The following SLC44A1 variants were observed in gnomAD, a reference collection of about 807,000 sequenced individuals.
The protein encoded by SLC44A1 is choline transporter-like protein 1.
SLC44A1 carries 26 observed loss-of-function variants against 79.3 expected under a neutral mutation model. That is an observed-to-expected ratio of 0.33 (90% CI 0.24 to 0.46). The LOEUF (loss-of-function observed/expected upper bound fraction) is 0.46, where lower values mean the gene tolerates loss of function less well. SLC44A1 is among the 20% of genes least tolerant of loss of function. The probability of loss-of-function intolerance (pLI) is 1.00; values close to 1 mark genes in which losing one functional copy is unlikely to be tolerated. For missense variants in SLC44A1, 688 were observed against 798.1 expected (o/e 0.86, Z 1.66); for synonymous variants, 263 against 286.2 (o/e 0.92, Z 0.82).
intron 1 of SLC44A1, among the ~76,000 whole-genome samples, chr9:105,246,951 A>G (rs568447281): frequency 6.6e-6 from 1 of 152,322 alleles, no homozygotes; most frequent in South Asian, 2.1e-4. Context: ...GATGCATGTC[A>G]TGCACCCAAG....
At chr9:105,415,548 G>C (rs1037742059) in intron 15 of SLC44A1, among the ~76,000 whole-genome samples, 5 of 152,226 alleles carry the variant, frequency 3.3e-5, no homozygotes, top group Non-Finnish European at 5.9e-5. Flanking sequence ...TCGTCCTTGA[G>C]AGGGCAGCCA....
chr9:105,315,141 A>G (rs548396652), intron 3 of SLC44A1, among the ~76,000 whole-genome samples: 3 of 152,206 alleles, frequency 2.0e-5, no homozygotes, highest in African/African-American at 7.2e-5. Flanking sequence ...ACATTAAAAA[A>G]ACTTTGAAAG....
At chr9:105,324,163 G>A (rs531293447) in intron 3 of SLC44A1, among the ~76,000 whole-genome samples, 7 of 151,880 alleles carry the variant, frequency 4.6e-5, no homozygotes, top group African/African-American at 1.2e-4. Flanking sequence ...CACCACGCCC[G>A]GCTAATTTTT....
rs182494484 is a variant in SLC44A1, at chr9:105,391,601, C to T, written c.*2545C>T. On this transcript the variant is annotated 3_prime_UTR_variant, in exon 16 of 16. Coordinates refer to ENST00000374720, the MANE Select transcript of SLC44A1 (RefSeq NM_080546.5). ...TTATTCCTTGATTAATTTGATAAAG[C>T]CTCACAGAGGATTTTAAGCAATATT... is the stretch of plus-strand genomic sequence containing the variant. 4 of 985,116 alleles carry T rather than the reference C, an allele frequency of 4.1e-6. No homozygotes were observed. Among genetic ancestry groups the T allele is most frequent in the Non-Finnish European group, 4.8e-6 (4 of 829,772 alleles). 61.0% of individuals were successfully genotyped at this position (985,116 alleles called of 1,614,324 possible). A position where few individuals can be genotyped will look rare whatever the true frequency, so the allele number is the denominator to read the frequency against.
intron 4 of SLC44A1, among the ~76,000 whole-genome samples, chr9:105,340,757 A>G (rs1254478586): frequency 1.3e-5 from 2 of 152,230 alleles, no homozygotes; most frequent in Non-Finnish European, 2.9e-5. Context: ...ATCCATTCAC[A>G]TGAAATTTTA....
At chr9:105,375,889 T>G (rs553298799) in intron 13 of SLC44A1, among the ~76,000 whole-genome samples, 1 of 152,284 alleles carries the variant, frequency 6.6e-6, no homozygotes, top group South Asian at 2.1e-4. Flanking sequence ...TATTTCTATA[T>G]AATTCTTCCC....
chr9:105,293,889 T>C (rs1340743699), intron 1 of SLC44A1, among the ~76,000 whole-genome samples: 1 of 152,222 alleles, frequency 6.6e-6, no homozygotes, highest in Non-Finnish European at 1.5e-5. Flanking sequence ...ATGGTGAATG[T>C]GGAGTCTAAG....
At chr9:105,379,169 G>A (rs1366851997) in intron 13 of SLC44A1, among the ~76,000 whole-genome samples, 2 of 152,114 alleles carry the variant, frequency 1.3e-5, no homozygotes, top group Non-Finnish European at 2.9e-5. Flanking sequence ...CCAGCTACTC[G>A]GGAGGCTGAG....
chr9:105,298,617 T>C (rs1185335836), intron 1 of SLC44A1, among the ~76,000 whole-genome samples: 1 of 152,204 alleles, frequency 6.6e-6, no homozygotes, highest in East Asian at 1.9e-4. Flanking sequence ...CCCAAAGTGC[T>C]GGGATTACAG....
intron 3 of SLC44A1, among the ~76,000 whole-genome samples, chr9:105,318,837 G>A (rs909837800): frequency 1.3e-5 from 2 of 151,916 alleles, no homozygotes; most frequent in Non-Finnish European, 2.9e-5. Context: ...GCAGCTAGGC[G>A]GCAAGGAAGG....
intron 4 of SLC44A1, among the ~76,000 whole-genome samples, chr9:105,347,224 T>A (rs574596199): frequency 7.9e-5 from 12 of 152,070 alleles, no homozygotes; most frequent in Non-Finnish European, 1.8e-4. Flanking sequence ...ATTTTAAGAT[T>A]TTTCCATGGT....
intron 1 of SLC44A1, among the ~76,000 whole-genome samples, chr9:105,287,646 A>G (rs73666622): frequency 0.041 from 6,265 of 152,250 alleles, 435 homozygotes; most frequent in African/African-American, 0.14. Flanking sequence ...TGCATGCTAT[A>G]GAGTAGTTGT....
At chr9:105,403,866 AG>A (rs36112949) in intron 15 of SLC44A1, among the ~76,000 whole-genome samples, 137,504 of 151,146 alleles carry the variant, frequency 0.91, 63,261 homozygotes, top group East Asian at 1. Flanking sequence ...AGCGGTCAGT[AG>A]GGATCAGATC....
At chr9:105,386,038 A>C in intron 15 of SLC44A1, 1 of 985,324 alleles carries the variant, frequency 1.0e-6, no homozygotes, top group African/African-American at 1.7e-5. Context: ...GCTATTTTTC[A>C]GTAGCAAACA....
chr9:105,375,064 G>A (rs1323691233), intron 13 of SLC44A1, among the ~76,000 whole-genome samples: 1 of 152,132 alleles, frequency 6.6e-6, no homozygotes, highest in Non-Finnish European at 1.5e-5. Context: ...TTTTTGAAAC[G>A]GAGTTTCGCT....
At chr9:105,326,871 G>A (rs1826594546) in intron 3 of SLC44A1, among the ~76,000 whole-genome samples, 1 of 152,106 alleles carries the variant, frequency 6.6e-6, no homozygotes. Flanking sequence ...AACTGTATAG[G>A]TCCATTTGGA....
chr9:105,355,741 A>G (rs916471148), intron 5 of SLC44A1, among the ~76,000 whole-genome samples: 7 of 152,184 alleles, frequency 4.6e-5, no homozygotes, highest in Admixed American at 1.3e-4. Context: ...TAGAGGAAAC[A>G]TTCTATTAAT....
intron 3 of SLC44A1, among the ~76,000 whole-genome samples, chr9:105,315,585 TA>T (rs1407809746): frequency 6.6e-6 from 1 of 152,206 alleles, no homozygotes; most frequent in African/African-American, 2.4e-5. Flanking sequence ...GCTCACACTT[TA>T]AATGATTGCC....
In SLC44A1 at chr9:105,362,825, T is replaced by A. The variant is rs1371747955; in HGVS notation, c.905T>A (p.Ile302Asn). ...GAAACCATTCTCTCCATACAGGTGA[T>A]CTTATTCCTGATAATGTTGGTTATG... ...YAISATVFTV[I>N]LFLIMLVMRK... The change falls in exon 9 of 16, where the codon ATC (isoleucine) becomes AAC (asparagine). Residue 302 changes from isoleucine to asparagine, a missense_variant. Ile to Asn is a moderately radical substitution (Grantham distance 149). Transcript: ENST00000374720. The A allele has an allele frequency of 1.3e-6, 2 of 1,598,414 alleles. No individual in the cohort carries two copies. Among genetic ancestry groups the A allele is most frequent in the Non-Finnish European group, 1.7e-6 (2 of 1,173,520 alleles).
Sources: allele counts gnomAD v4.1 joint callset (sites outside exome capture counted in the v4.1 genomes callset), GRCh38; gene constraint gnomAD v4.1.1; transcripts MANE v1.5; gene names NCBI Gene and HGNC (gene_info 2026-07-23, HGNC 2026-07-21).